The following RGS6 variants were observed in gnomAD, a reference collection of about 807,000 sequenced individuals.
RGS6 encodes the protein regulator of G-protein signaling 6.
In RGS6, 30 loss-of-function variants were observed where a neutral mutation model predicts 78.5. The observed-to-expected ratio is 0.38, with a 90% CI of 0.29 to 0.52. The LOEUF (loss-of-function observed/expected upper bound fraction) is 0.52. RGS6 is among the 20% of genes least tolerant of loss of function. The probability of loss-of-function intolerance (pLI) is 0.85; values close to 1 mark genes in which losing one functional copy is unlikely to be tolerated. For missense variants in RGS6, 495 were observed against 609.7 expected (o/e 0.81, Z 1.98); for synonymous variants, 206 against 206.0 (o/e 1.00, Z 0.00).
intron 2 of RGS6, among the ~76,000 whole-genome samples, chr14:72,062,168 G>A (rs1013170946): frequency 5.3e-5 from 8 of 152,246 alleles, no homozygotes; most frequent in African/African-American, 9.6e-5. Context: ...GAAGAAAGCA[G>A]GGAGAAAAGC....
the RGS6 span, among the ~76,000 whole-genome samples, chr14:71,914,143 C>T: frequency 6.6e-6 from 1 of 152,198 alleles, no homozygotes; most frequent in African/African-American, 2.4e-5. Context: ...GTCCTCTCTC[C>T]CTGGAGGTGG....
chr14:72,151,548 A>G (rs146786208), intron 2 of RGS6, among the ~76,000 whole-genome samples: 70 of 152,334 alleles, frequency 4.6e-4, no homozygotes, highest in African/African-American at 1.6e-3. Flanking sequence ...CTAGAGGCAC[A>G]AAGTCTGAGG....
chr14:71,912,084 A>G, the RGS6 span, among the ~76,000 whole-genome samples: 2 of 152,208 alleles, frequency 1.3e-5, no homozygotes, highest in Non-Finnish European at 2.9e-5. Context: ...TGCCAGAACC[A>G]GTCCATGACC....
At chr14:72,114,269 T>C (rs187397375) in intron 2 of RGS6, among the ~76,000 whole-genome samples, 1 of 152,306 alleles carries the variant, frequency 6.6e-6, no homozygotes, top group African/African-American at 2.4e-5. Flanking sequence ...CGTCTGTCAA[T>C]GATGTCCCCC....
At chr14:72,572,032 TA>T in the RGS6 span, among the ~76,000 whole-genome samples, 1 of 152,088 alleles carries the variant, frequency 6.6e-6, no homozygotes, top group Non-Finnish European at 1.5e-5. Flanking sequence ...GCTACACAAA[TA>T]ACCAACAAGC....
chr14:72,051,389 G>A lies in RGS6; in HGVS notation c.84+86514G>A, dbSNP rs140905791. Among the ~76,000 whole-genome samples, 22 of 152,210 alleles carry A rather than the reference G, an allele frequency of 1.4e-4. 1 individual carries two copies. Among genetic ancestry groups the A allele is most frequent in the African/African-American group, 5.1e-4 (21 of 41,524 alleles). Reference sequence around the variant, plus strand: ...TTAGAATCCACCAAGAATTTATACAGCCATGGTTCTTTACGTATGGAAAAT... The same window carrying A: ...TTAGAATCCACCAAGAATTTATACAACCATGGTTCTTTACGTATGGAAAAT... On this transcript the variant is annotated intron_variant, in intron 2 of 17. Transcript: ENST00000553525.
chr14:72,085,591 T>C (rs1041626226), intron 2 of RGS6, among the ~76,000 whole-genome samples: 2 of 152,114 alleles, frequency 1.3e-5, no homozygotes, highest in African/African-American at 4.8e-5. Context: ...TGGTGGCTTA[T>C]GCCTGTAATC....
intron 17 of RGS6, among the ~76,000 whole-genome samples, chr14:72,558,473 T>C (rs2097619005): frequency 6.6e-6 from 1 of 152,166 alleles, no homozygotes; most frequent in Admixed American, 6.5e-5. Flanking sequence ...ACCCAGATAG[T>C]GCATGCTTTG....
intron 2 of RGS6, among the ~76,000 whole-genome samples, chr14:71,977,830 T>C (rs1480716023): frequency 1.3e-5 from 2 of 152,126 alleles, no homozygotes; most frequent in African/African-American, 4.8e-5. Flanking sequence ...GGGGATGGCA[T>C]TGAATCTATA....
intron 13 of RGS6, among the ~76,000 whole-genome samples, chr14:72,507,992 T>C (rs2096830127): frequency 6.6e-6 from 1 of 152,198 alleles, no homozygotes; most frequent in African/African-American, 2.4e-5. Flanking sequence ...TGAAAGTTAT[T>C]GAGTTTGATT....
intron 1 of RGS6, among the ~76,000 whole-genome samples, chr14:71,959,676 G>A (rs1490201667): frequency 6.8e-6 from 1 of 147,834 alleles, no homozygotes; most frequent in Admixed American, 6.7e-5. Flanking sequence ...TCTGATGCAC[G>A]AGTCAGAACA....
intron 2 of RGS6, among the ~76,000 whole-genome samples, chr14:72,134,973 A>G (rs1188379335): frequency 6.6e-6 from 1 of 152,240 alleles, no homozygotes; most frequent in Admixed American, 6.5e-5. Context: ...TTCAAATGCC[A>G]GTTTCTTCTG....
At chr14:72,307,627 A>G (rs1333245936) in intron 2 of RGS6, among the ~76,000 whole-genome samples, 2 of 152,130 alleles carry the variant, frequency 1.3e-5, no homozygotes, top group African/African-American at 4.8e-5. Context: ...CACAAAAATG[A>G]GAATGTTTTA....
At chr14:72,035,649 CA>C (rs2091590779) in intron 2 of RGS6, among the ~76,000 whole-genome samples, 1 of 151,988 alleles carries the variant, frequency 6.6e-6, no homozygotes, top group Admixed American at 6.6e-5. Context: ...ATATGTTTTG[CA>C]ATGTGAATCT....
chr14:72,200,691 C>A (rs1343166432), intron 2 of RGS6, among the ~76,000 whole-genome samples: 1 of 152,070 alleles, frequency 6.6e-6, no homozygotes, highest in African/African-American at 2.4e-5. Flanking sequence ...TCAGAGTCTA[C>A]CTCACCTCAA....
chr14:72,377,029 C>T lies in RGS6; in HGVS notation c.184+24835C>T, dbSNP rs140154905. ...ATATACAAAACAAGTAAAAAGAAAT[C>T]GATAGGATGATAAAAGTCCTCACCG... On this transcript the variant is annotated intron_variant, in intron 3 of 17. Coordinates refer to ENST00000553525, the MANE Select transcript of RGS6 (RefSeq NM_001204424.2). 3.0e-4 allele frequency among the ~76,000 whole-genome samples: 45 copies of T among 152,130 alleles called. 1 individual carries two copies. The South Asian group carries it at 9.1e-3, about 31-fold the overall frequency.
chr14:72,477,515 C>G (rs945346937), intron 11 of RGS6, among the ~76,000 whole-genome samples: 1 of 151,624 alleles, frequency 6.6e-6, no homozygotes, highest in Non-Finnish European at 1.5e-5. Flanking sequence ...TGGCGGGGCT[C>G]GGGGCTCGGT....
At chr14:72,415,868 C>G (rs2093772270) in intron 3 of RGS6, among the ~76,000 whole-genome samples, 1 of 152,062 alleles carries the variant, frequency 6.6e-6, no homozygotes, top group Non-Finnish European at 1.5e-5. Context: ...AAGTTTATTC[C>G]TACATCTGGC....
At chr14:71,954,608 A>T (rs2092645610) in intron 1 of RGS6, among the ~76,000 whole-genome samples, 1 of 152,128 alleles carries the variant, frequency 6.6e-6, no homozygotes, top group African/African-American at 2.4e-5. Context: ...GTTATTTTAA[A>T]ATGTACAATT....
Sources: allele counts gnomAD v4.1 joint callset (sites outside exome capture counted in the v4.1 genomes callset), GRCh38; gene constraint gnomAD v4.1.1; transcripts MANE v1.5; gene names NCBI Gene and HGNC (gene_info 2026-07-23, HGNC 2026-07-21).